Variants in GLMN observed in about 807,000 individuals in gnomAD.
The protein encoded by GLMN is glomulin.
Under a neutral mutation model 87.8 loss-of-function variants are expected in GLMN, and 75 were observed. That is an observed-to-expected ratio of 0.85 (90% CI 0.71 to 1.04). The LOEUF (loss-of-function observed/expected upper bound fraction) is 1.04, where lower values mean the gene tolerates loss of function less well. GLMN is among the 50% of genes least tolerant of loss of function. GLMN has a pLI of 0.00. For synonymous variants in GLMN, 206 were observed against 221.6 expected, an observed-to-expected ratio of 0.93 and a Z score of 0.63; for missense variants, 588 against 658.8, an observed-to-expected ratio of 0.89 and a Z score of 1.18.
At chr1:92,265,593 T>C (rs1192656171) in intron 13 of GLMN, among the ~76,000 whole-genome samples, 1 of 151,858 alleles carries the variant, frequency 6.6e-6, no homozygotes, top group Non-Finnish European at 1.5e-5. Context: ...CTGGGCAACA[T>C]GGCAAAACCC....
At chr1:92,258,898 GA>G (rs531870909) in intron 16 of GLMN, among the ~76,000 whole-genome samples, 2 of 151,140 alleles carry the variant, frequency 1.3e-5, no homozygotes, top group African/African-American at 4.9e-5. Context: ...TAAAAGTATT[GA>G]AAAAAAACCA....
At chr1:92,269,623 T>C in intron 9 of GLMN, 100 bp downstream of exon 9, 1 of 794,102 alleles carries the variant, frequency 1.3e-6, no homozygotes, top group Admixed American at 1.9e-5. Flanking sequence ...ACCAATTAAT[T>C]AATTAGAGCT....
At chr1:92,352,647 A>G in the GLMN span, among the ~76,000 whole-genome samples, 20 of 152,290 alleles carry the variant, frequency 1.3e-4, no homozygotes, top group Non-Finnish European at 2.6e-4. Context: ...TTTCCTTACA[A>G]CTATGGAATT....
chr1:92,271,665 T>C lies in GLMN; in HGVS notation c.736-13A>G. On this transcript the variant is annotated splice_polypyrimidine_tract_variant and intron_variant, in intron 7 of 18. Coordinates refer to ENST00000370360, the MANE Select transcript of GLMN (RefSeq NM_053274.3). The stretch of plus-strand genomic sequence containing the variant: ...CTGATAAAAAACCCTATGAAATGGA[T>C]AAAAAAGGAAACCATAGCACACAGA... The C allele has an allele frequency of 6.3e-7, 1 of 1,588,364 alleles. No homozygotes were observed.
chr1:92,313,713 A>G, the GLMN span, among the ~76,000 whole-genome samples: 13 of 152,174 alleles, frequency 8.5e-5, no homozygotes, highest in African/African-American at 3.1e-4. Context: ...CTTCTCCTCT[A>G]TAGCTATGAA....
intron 16 of GLMN, among the ~76,000 whole-genome samples, chr1:92,251,183 T>C (rs1653441330): frequency 1.3e-5 from 2 of 152,224 alleles, no homozygotes; most frequent in African/African-American, 4.8e-5. Flanking sequence ...AGACTCACAT[T>C]ACTTGAGGTC....
At chr1:92,255,840 A>C (rs1654157031) in intron 16 of GLMN, among the ~76,000 whole-genome samples, 1 of 152,216 alleles carries the variant, frequency 6.6e-6, no homozygotes, top group African/African-American at 2.4e-5. Flanking sequence ...ACCTAACATC[A>C]CAATTAAAAG....
chr1:92,367,351 CGTTT>C, the GLMN span, among the ~76,000 whole-genome samples: 1 of 152,126 alleles, frequency 6.6e-6, no homozygotes, highest in African/African-American at 2.4e-5. Flanking sequence ...ACGGCTTTTG[CGTTT>C]GTTTGATTGT....
intron 4 of GLMN, among the ~76,000 whole-genome samples, chr1:92,291,029 G>GA (rs1649344660): frequency 6.6e-6 from 1 of 152,094 alleles, no homozygotes; most frequent in South Asian, 2.1e-4. Flanking sequence ...TACCACAAAG[G>GA]AAAGAGGACT....
At chr1:92,330,989 G>C in the GLMN span, among the ~76,000 whole-genome samples, 3 of 152,180 alleles carry the variant, frequency 2.0e-5, no homozygotes, top group African/African-American at 7.2e-5. Context: ...GAGAAGCACT[G>C]TTGGGGTGTG....
At chr1:92,308,270 CATAAT>C in the GLMN span, among the ~76,000 whole-genome samples, 2 of 152,206 alleles carry the variant, frequency 1.3e-5, no homozygotes, top group African/African-American at 2.4e-5. Context: ...TTGAGTTAAA[CATAAT>C]TAAGACTAAA....
At chr1:92,351,305 CAAAAAAAAAA>C in the GLMN span, among the ~76,000 whole-genome samples, 3 of 86,838 alleles carry the variant, frequency 3.5e-5, no homozygotes, top group Admixed American at 1.5e-4. Flanking sequence ...GACTCTGTCT[CAAAAAAAAAA>C]AAAAAAAAAA....
chr1:92,311,604 C>T, the GLMN span, among the ~76,000 whole-genome samples: 1 of 152,158 alleles, frequency 6.6e-6, no homozygotes, highest in African/African-American at 2.4e-5. Context: ...CCTTACACAC[C>T]ATTTGGAAAC....
chr1:92,332,907 G>A, the GLMN span, among the ~76,000 whole-genome samples: 16 of 152,180 alleles, frequency 1.1e-4, no homozygotes, highest in East Asian at 2.9e-3. Context: ...TAACAAATGT[G>A]TTTCAAACAA....
the GLMN span, among the ~76,000 whole-genome samples, chr1:92,368,441 T>TA: frequency 6.6e-6 from 1 of 152,150 alleles, no homozygotes; most frequent in African/African-American, 2.4e-5. Flanking sequence ...ATAAAAAACA[T>TA]AGAGATTCAT....
At chr1:92,252,760 T>C (rs2100799307) in intron 16 of GLMN, among the ~76,000 whole-genome samples, 1 of 152,198 alleles carries the variant, frequency 6.6e-6, no homozygotes, top group South Asian at 2.1e-4. Context: ...CTTAAAATCT[T>C]TCAGTGTCTA....
Position 92,289,145 on chromosome 1 carries a change from T to C in GLMN, c.401A>G (p.Gln134Arg). The C allele has an allele frequency of 6.4e-7, 1 of 1,562,446 alleles. No homozygotes were observed. Among genetic ancestry groups the C allele is most frequent in the Non-Finnish European group, 8.8e-7 (1 of 1,132,934 alleles). The change falls in exon 6 of 19, where the codon CAG (glutamine) becomes CGG (arginine). Residue 134 changes from glutamine (Q) to arginine (R), a missense_variant. Transcript: ENST00000370360. ...TGAATATGCCTTGTTATGAAGTTTC[T>C]GAATCACTAAAACAGAGATCAAGTT... ...LLLQPLQTVI[Q>R]KLHNKAYSIG...
chr1:92,330,862 G>A, the GLMN span, among the ~76,000 whole-genome samples: 2 of 152,162 alleles, frequency 1.3e-5, no homozygotes, highest in Admixed American at 6.5e-5. Flanking sequence ...AACCAGCAGC[G>A]TCAACATCAT....
the GLMN span, among the ~76,000 whole-genome samples, chr1:92,317,496 ACT>A: frequency 2.0e-5 from 3 of 151,974 alleles, no homozygotes; most frequent in African/African-American, 7.3e-5. Context: ...CAACAGTGAG[ACT>A]CTGTCTCAAA....
Sources: allele counts gnomAD v4.1 joint callset (sites outside exome capture counted in the v4.1 genomes callset), GRCh38; gene constraint gnomAD v4.1.1; transcripts MANE v1.5; gene names NCBI Gene and HGNC (gene_info 2026-07-23, HGNC 2026-07-21).